Variants in CHN2 observed in about 807,000 individuals in gnomAD.
CHN2 encodes the protein chimerin 2.
CHN2 carries 35 observed loss-of-function variants against 56.3 expected under a neutral mutation model. The ratio of observed to expected loss-of-function variants is 0.62; its 90% confidence interval spans 0.47 to 0.82. The LOEUF (loss-of-function observed/expected upper bound fraction) is 0.82. Ranked by LOEUF, CHN2 falls within the 40% of genes least tolerant of loss-of-function variation. The pLI is 0.00. For missense variants in CHN2, 491 were observed against 580.5 expected (o/e 0.85, Z 1.58); for synonymous variants, 210 against 212.8 (o/e 0.99, Z 0.12).
chr7:29,244,397 T>C (rs1337328991), intron 1 of CHN2, among the ~76,000 whole-genome samples: 1 of 152,210 alleles, frequency 6.6e-6, no homozygotes, highest in Non-Finnish European at 1.5e-5. Context: ...CCTCCCTCAG[T>C]CATTTCTGCT....
intron 5 of CHN2, 79 bp downstream of exon 5, chr7:29,398,565 C>T: frequency 2.3e-6 from 2 of 874,636 alleles, no homozygotes; most frequent in Non-Finnish European, 3.8e-6. Flanking sequence ...AGAATTGTAG[C>T]AGAGTATACA....
chr7:29,425,177 C>A (rs1309879904), intron 6 of CHN2, among the ~76,000 whole-genome samples: 2 of 152,202 alleles, frequency 1.3e-5, no homozygotes, highest in African/African-American at 2.4e-5. Context: ...AGCCCCCCTG[C>A]GGTTGGGTGA....
chr7:29,409,057 C>T (rs895696860), intron 6 of CHN2, among the ~76,000 whole-genome samples: 1 of 152,228 alleles, frequency 6.6e-6, no homozygotes, highest in Non-Finnish European at 1.5e-5. Flanking sequence ...ATTGAGTCAT[C>T]CCACTTTCCT....
intron 3 of CHN2, among the ~76,000 whole-genome samples, chr7:29,379,147 T>C (rs1800298498): frequency 6.6e-6 from 1 of 152,244 alleles, no homozygotes. Flanking sequence ...CCAAGCCATG[T>C]TGAGAGATGA....
chr7:29,379,797 A>G (rs929106695), intron 3 of CHN2, among the ~76,000 whole-genome samples: 5 of 152,200 alleles, frequency 3.3e-5, no homozygotes, highest in African/African-American at 1.2e-4. Flanking sequence ...CGAAAACACT[A>G]TAAGCCATGC....
intron 1 of CHN2, among the ~76,000 whole-genome samples, chr7:29,308,680 C>A (rs953169325): frequency 2.0e-5 from 3 of 152,186 alleles, no homozygotes; most frequent in African/African-American, 7.2e-5. Context: ...CATATGGCCT[C>A]ACCTGGATGT....
intron 1 of CHN2, among the ~76,000 whole-genome samples, chr7:29,281,253 A>G (rs1447452710): frequency 6.7e-6 from 1 of 149,810 alleles, no homozygotes; most frequent in Non-Finnish European, 1.5e-5. Flanking sequence ...GTGTGTGCAC[A>G]TATTCTTCTT....
chr7:29,482,299 A>G (rs1219377945), intron 7 of CHN2, among the ~76,000 whole-genome samples: 1 of 152,216 alleles, frequency 6.6e-6, no homozygotes, highest in East Asian at 1.9e-4. Context: ...AGTAGCTGTG[A>G]CAGTTGATTG....
chr7:29,325,904 C>A (rs1350842719), intron 1 of CHN2, among the ~76,000 whole-genome samples: 1 of 152,174 alleles, frequency 6.6e-6, no homozygotes, highest in African/African-American at 2.4e-5. Context: ...GAAAACTGGA[C>A]CATATTTTCA....
chr7:29,440,785 G>A (rs1255450984), intron 6 of CHN2, among the ~76,000 whole-genome samples: 1 of 151,334 alleles, frequency 6.6e-6, no homozygotes, highest in Non-Finnish European at 1.5e-5. Context: ...CAAGGTGTGT[G>A]ATATCCAAAC....
At chr7:29,264,874 A>G (rs1789999788) in intron 1 of CHN2, among the ~76,000 whole-genome samples, 1 of 144,382 alleles carries the variant, frequency 6.9e-6, no homozygotes, top group Non-Finnish European at 1.6e-5. Context: ...GTTAAAAGCA[A>G]AAAAAAAAAA....
At chr7:29,502,667 G>A (rs1319664486) in intron 9 of CHN2, among the ~76,000 whole-genome samples, 1 of 152,128 alleles carries the variant, frequency 6.6e-6, no homozygotes, top group East Asian at 1.9e-4. Flanking sequence ...TGAAGCATGG[G>A]CTAAAGTCAG....
At position 29,432,668 on chromosome 7, in the gene CHN2, AAT is replaced by A. The variant is rs528077969; in HGVS notation, c.576+31842_576+31843del. ...CGCTGTACCTGGCAGACCTGTATTT[AAT>A]AGTTTTAGACTGAAGAACAGAGGAC... On this transcript the variant is annotated intron_variant, in intron 6 of 12. Coordinates refer to ENST00000222792, the MANE Select transcript of CHN2 (RefSeq NM_004067.4). Among the ~76,000 whole-genome samples, 6 of 152,336 alleles carry A rather than the reference AAT, an allele frequency of 3.9e-5. No individual in the cohort carries two copies. In the South Asian group the frequency reaches 1.2e-3, roughly 32 times the overall value.
chr7:29,227,556 A>G (rs1351479697), intron 1 of CHN2, among the ~76,000 whole-genome samples: 1 of 152,200 alleles, frequency 6.6e-6, no homozygotes, highest in Admixed American at 6.5e-5. Context: ...GAAAGGGAAG[A>G]TGACCTCATT....
chr7:29,228,880 T>C (rs1483250897), intron 1 of CHN2, among the ~76,000 whole-genome samples: 1 of 152,232 alleles, frequency 6.6e-6, no homozygotes, highest in Non-Finnish European at 1.5e-5. Context: ...CCTCTGGCGC[T>C]GCACCGCCCT....
At chr7:29,337,877 T>C (rs992674725) in intron 1 of CHN2, among the ~76,000 whole-genome samples, 1 of 152,174 alleles carries the variant, frequency 6.6e-6, no homozygotes, top group South Asian at 2.1e-4. Flanking sequence ...GTGTGATCTT[T>C]AGAAATATTT....
At chr7:29,234,005 T>G (rs1179377914) in intron 1 of CHN2, among the ~76,000 whole-genome samples, 1 of 150,214 alleles carries the variant, frequency 6.7e-6, no homozygotes, top group East Asian at 2.0e-4. Context: ...GGCTAATTTT[T>G]TGTATTTTTA....
intron 3 of CHN2, among the ~76,000 whole-genome samples, chr7:29,389,751 T>C (rs1253069949): frequency 6.6e-6 from 1 of 152,190 alleles, no homozygotes; most frequent in East Asian, 1.9e-4. Flanking sequence ...TGTTCAGTTT[T>C]ATTTTTAAAA....
intron 1 of CHN2, among the ~76,000 whole-genome samples, chr7:29,306,332 A>G (rs534419326): frequency 5.3e-5 from 8 of 152,198 alleles, no homozygotes; most frequent in Non-Finnish European, 1.0e-4. Flanking sequence ...GAAGTTAATT[A>G]TTGGTATCTC....
Sources: gnomAD v4.1 joint callset for allele counts (sites outside exome capture counted in the v4.1 genomes callset) on GRCh38, gnomAD v4.1.1 for gene constraint, MANE v1.5 for transcripts, NCBI Gene and HGNC (gene_info 2026-07-23, HGNC 2026-07-21) for gene names.